TAFA5: variants seen among roughly 807,000 people sequenced by gnomAD.
TAFA5 encodes TAFA chemokine like family member 5, also known as chemokine-like protein TAFA-5.
TAFA5 carries 6 observed loss-of-function variants against 15.3 expected under a neutral mutation model. The observed-to-expected ratio is 0.39, with a 90% CI of 0.21 to 0.77. The LOEUF (loss-of-function observed/expected upper bound fraction) is 0.77. Ranked by LOEUF, TAFA5 falls within the 30% of genes least tolerant of loss-of-function variation. The pLI, the probability that TAFA5 is intolerant of heterozygous loss-of-function variation, is 0.41. For missense variants in TAFA5, 161 were observed against 193.1 expected, an observed-to-expected ratio of 0.83 and a Z score of 0.98; for synonymous variants, 103 against 80.7, an observed-to-expected ratio of 1.28 and a Z score of -1.48.
At chr22:48,532,802 C>G (rs73888434) in intron 1 of TAFA5, among the ~76,000 whole-genome samples, 2,518 of 152,284 alleles carry the variant, frequency 0.017, 71 homozygotes, top group African/African-American at 0.057. Flanking sequence ...GCCCCTGCCC[C>G]GGCTCCCATC....
At chr22:48,743,657 C>A (rs537672798) in intron 3 of TAFA5, among the ~76,000 whole-genome samples, 2 of 152,298 alleles carry the variant, frequency 1.3e-5, no homozygotes, top group African/African-American at 4.8e-5. Flanking sequence ...CAGGAGCGGA[C>A]TGTGGGGGAG....
chr22:48,584,811 G>T (rs142927508), intron 1 of TAFA5, among the ~76,000 whole-genome samples: 1 of 139,740 alleles, frequency 7.2e-6, no homozygotes, highest in Admixed American at 7.2e-5. Flanking sequence ...ACAAAATACA[G>T]CACACACGCA....
chr22:48,659,578 G>A (rs1927361495), intron 2 of TAFA5, among the ~76,000 whole-genome samples: 1 of 152,230 alleles, frequency 6.6e-6, no homozygotes, highest in Admixed American at 6.5e-5. Flanking sequence ...TGGCCAAGCT[G>A]GGGGTGGGGC....
intron 2 of TAFA5, among the ~76,000 whole-genome samples, chr22:48,655,973 G>C (rs1353850004): frequency 2.0e-5 from 3 of 150,888 alleles, no homozygotes; most frequent in Non-Finnish European, 4.4e-5. Flanking sequence ...CGAGTAGCAG[G>C]GATTACAGGC....
At chr22:48,636,618 C>T (rs1926459738) in intron 1 of TAFA5, among the ~76,000 whole-genome samples, 1 of 152,090 alleles carries the variant, frequency 6.6e-6, no homozygotes, top group Admixed American at 6.5e-5. Flanking sequence ...GTGAGGCCTT[C>T]TGTTGTGGGG....
chr22:48,653,830 G>A (rs560101679), intron 2 of TAFA5, among the ~76,000 whole-genome samples: 1 of 152,248 alleles, frequency 6.6e-6, no homozygotes, highest in African/African-American at 2.4e-5. Context: ...GGGTGAAGGA[G>A]AGGAGACCCC....
chr22:48,532,481 C>G (rs771301018), intron 1 of TAFA5, among the ~76,000 whole-genome samples: 1 of 152,214 alleles, frequency 6.6e-6, no homozygotes, highest in Admixed American at 6.5e-5. Flanking sequence ...AGGATAGTCT[C>G]TTTGTGTATT....
intron 2 of TAFA5, among the ~76,000 whole-genome samples, chr22:48,692,994 G>A (rs994566846): frequency 4.6e-5 from 7 of 152,200 alleles, no homozygotes; most frequent in Admixed American, 2.6e-4. Context: ...TAAGAACTCC[G>A]CGAGCCCGTG....
At chr22:48,609,665 G>T (rs1457354705) in intron 1 of TAFA5, among the ~76,000 whole-genome samples, 1 of 152,172 alleles carries the variant, frequency 6.6e-6, no homozygotes, top group African/African-American at 2.4e-5. Flanking sequence ...GTTCCCCAAG[G>T]CTGCTGTGAC....
At chr22:48,572,624 G>T (rs181691069) in intron 1 of TAFA5, among the ~76,000 whole-genome samples, 14 of 152,294 alleles carry the variant, frequency 9.2e-5, no homozygotes, top group African/African-American at 2.4e-4. Flanking sequence ...TGTGCCATGG[G>T]CCTGTTTGGA....
At chr22:48,578,704 C>A (rs1312710947) in intron 1 of TAFA5, among the ~76,000 whole-genome samples, 2 of 152,204 alleles carry the variant, frequency 1.3e-5, no homozygotes. Flanking sequence ...TGTCCGGAAG[C>A]GGTGGCCTTC....
chr22:48,620,650 C>CCATCCCCCATCCTATCCACCCCCCCAA (rs1925774032), intron 1 of TAFA5, among the ~76,000 whole-genome samples: 1 of 80,736 alleles, frequency 1.2e-5, no homozygotes, highest in African/African-American at 4.5e-5. Flanking sequence ...CACCCACCCA[C>CCATCCCCCATCCTATCCACCCCCCCAA]CATCCACCAT....
In TAFA5 at chr22:48,580,140, G is replaced by A. The variant is rs189460563; in HGVS notation, c.113-66457G>A. The stretch of plus-strand genomic sequence containing the variant: ...CGTGCCTGTCTTTGAGCAGCTGCTC[G>A]GAGGGCAGACTGTTGATTGAGTCAA... On this transcript the variant is annotated intron_variant, in intron 1 of 3. Transcript: ENST00000402357. Among the ~76,000 whole-genome samples the A allele has an allele frequency of 6.0e-4, 92 of 152,316 alleles. No homozygotes were observed. In the East Asian group the frequency reaches 6.4e-3, roughly 11 times the overall value.
chr22:48,573,657 C>T (rs1451702316), intron 1 of TAFA5, among the ~76,000 whole-genome samples: 1 of 152,238 alleles, frequency 6.6e-6, no homozygotes, highest in Non-Finnish European at 1.5e-5. Context: ...GGTCCCCCAA[C>T]ATTAGGTATG....
rs972453920 is a variant in TAFA5, at chr22:48,489,845, C to T, written c.112+141C>T. ...GGCGCATGGTCCCCCGAGTCCCGGC[C>T]GGTCCAACGCTGCGCTGGGCGGGCG... On this transcript the variant is annotated intron_variant, in intron 1 of 3. Coordinates refer to ENST00000402357, the MANE Select transcript of TAFA5 (RefSeq NM_001082967.3). This position sits in a 1 kb window ranked among gnomAD's most constrained non-coding sequence, Gnocchi z 5.5. 41 of 448,106 alleles carry T rather than the reference C, an allele frequency of 9.1e-5. No individual in the cohort carries two copies. Among genetic ancestry groups the T allele is most frequent in the African/African-American group, 8.0e-4 (38 of 47,744 alleles). The allele number at this position is 448,106 out of a possible 1,614,324, so 27.8% of individuals were successfully genotyped here.
At chr22:48,533,498 C>G (rs543131178) in intron 1 of TAFA5, among the ~76,000 whole-genome samples, 4 of 152,322 alleles carry the variant, frequency 2.6e-5, no homozygotes, top group African/African-American at 9.6e-5. Flanking sequence ...CAGCTAGGGC[C>G]TTGCCCATCA....
At chr22:48,508,130 G>A (rs1023563304) in intron 1 of TAFA5, among the ~76,000 whole-genome samples, 3 of 152,180 alleles carry the variant, frequency 2.0e-5, no homozygotes, top group Admixed American at 6.5e-5. Flanking sequence ...CAGCCCTGAT[G>A]CGTGGGCCAC....
chr22:48,718,972 C>T (rs761370079), intron 3 of TAFA5, among the ~76,000 whole-genome samples: 1 of 152,238 alleles, frequency 6.6e-6, no homozygotes, highest in Non-Finnish European at 1.5e-5. Flanking sequence ...TCCCCATGTC[C>T]TCCTAGCTGA....
Position 48,568,060 on chromosome 22 carries a change from G to A in TAFA5, c.112+78356G>A, listed in dbSNP as rs552314544. On this transcript the variant is annotated intron_variant, in intron 1 of 3. Coordinates refer to ENST00000402357, the MANE Select transcript of TAFA5 (RefSeq NM_001082967.3). ...TTCACGACCTCTATTTTCTGGGTAC[G>A]CCAAAGCAGGTCACAAAATAAATGC... is the stretch of plus-strand genomic sequence containing the variant. Among the ~76,000 whole-genome samples the A allele has an allele frequency of 6.6e-5, 10 of 152,308 alleles. No homozygotes were observed. The East Asian group carries it at 9.7e-4, about 15-fold the overall frequency.
Sources: allele counts gnomAD v4.1 joint callset (sites outside exome capture counted in the v4.1 genomes callset), GRCh38; gene constraint gnomAD v4.1.1; non-coding constraint Gnocchi (gnomAD v3.1); transcripts MANE v1.5; gene names NCBI Gene and HGNC (gene_info 2026-07-23, HGNC 2026-07-21).